The following MTMR14 variants were observed in gnomAD, a reference collection of about 807,000 sequenced individuals.
MTMR14 encodes the protein phosphatidylinositol-3,5-bisphosphate 3-phosphatase MTMR14.
A neutral mutation model predicts 86.3 loss-of-function variants in MTMR14; 48 were observed. That is an observed-to-expected ratio of 0.56 (90% confidence interval 0.44 to 0.71). MTMR14 has a LOEUF of 0.71. MTMR14 is among the 30% of genes least tolerant of loss of function. The pLI is 0.00. For missense variants in MTMR14, 780 were observed against 834.6 expected, an observed-to-expected ratio of 0.93 and a Z score of 0.81; for synonymous variants, 366 against 326.1, an observed-to-expected ratio of 1.12 and a Z score of -1.32.
chr3:9,654,903 T>C (rs567754945), intron 2 of MTMR14, among the ~76,000 whole-genome samples: 4 of 152,292 alleles, frequency 2.6e-5, no homozygotes, highest in African/African-American at 9.6e-5. Flanking sequence ...TAATTCTGCC[T>C]TGTGTTTATG....
At chr3:9,656,833 C>T (rs749487311) in intron 2 of MTMR14, among the ~76,000 whole-genome samples, 45 of 152,162 alleles carry the variant, frequency 3.0e-4, no homozygotes, top group Non-Finnish European at 5.3e-4. Context: ...TTCTTCCTAC[C>T]CTCTTTGGTG....
At chr3:9,668,570 T>C (rs1020025317) in intron 3 of MTMR14, 149 bp from the exon 4 acceptor site, 8 of 737,424 alleles carry the variant, frequency 1.1e-5, no homozygotes, top group South Asian at 9.1e-5. Flanking sequence ...TTCTGACTGA[T>C]TGTGGCAGCC....
Position 9,669,455 on chromosome 3 carries a change from G to C in MTMR14, c.517G>C (p.Asp173His), listed in dbSNP as rs1384180706. ...FSGGADDAWA[D>H]VEDVTEEDCA... The stretch of plus-strand genomic sequence containing the variant: ...AGGGGGTGCAGATGATGCCTGGGCA[G>C]ATGTGGAGGACGTCACGGAGGAGGA... The change falls in exon 5 of 19, where the codon GAT becomes CAT. Residue 173 changes from aspartate to histidine, a missense_variant. Physicochemically the swap from Asp to His is moderately conservative, Grantham distance 81 (BLOSUM62 -1). Transcript: ENST00000296003. The C allele has an allele frequency of 1.2e-6, 2 of 1,613,876 alleles. No individual in the cohort carries two copies. Among genetic ancestry groups the C allele is most frequent in the Admixed American group, 1.7e-5 (1 of 59,994 alleles).
chr3:9,686,778 A>T (rs1303067861), intron 13 of MTMR14, among the ~76,000 whole-genome samples: 1 of 152,166 alleles, frequency 6.6e-6, no homozygotes, highest in Non-Finnish European at 1.5e-5. Context: ...CCAAGTAGGG[A>T]TTTCTCTGAG....
chr3:9,672,557 A>C, intron 6 of MTMR14, 128 bp from the exon 7 acceptor site: 1 of 831,222 alleles, frequency 1.2e-6, no homozygotes, highest in Non-Finnish European at 2.1e-6. Context: ...GCTGAAGGGA[A>C]TTATTAACAA....
intron 17 of MTMR14, among the ~76,000 whole-genome samples, chr3:9,695,745 G>A (rs1245946236): frequency 6.6e-6 from 1 of 152,172 alleles, no homozygotes; most frequent in Non-Finnish European, 1.5e-5. Flanking sequence ...TCAACATTCT[G>A]GTTTTTAGCT....
intron 9 of MTMR14, among the ~76,000 whole-genome samples, chr3:9,679,629 C>T (rs980332065): frequency 1.8e-4 from 27 of 152,318 alleles, no homozygotes; most frequent in African/African-American, 6.3e-4. Flanking sequence ...GCTTGCCTGG[C>T]CCTTCCTGCA....
intron 10 of MTMR14, 34 bp downstream of exon 10, chr3:9,683,278 T>C (rs760751752): frequency 1.2e-6 from 2 of 1,600,942 alleles, no homozygotes; most frequent in Non-Finnish European, 1.7e-6. Context: ...CTCGAGCCAC[T>C]GCACCCTTGG....
In MTMR14 at chr3:9,692,373, G is replaced by A. The variant is rs371559947; in HGVS notation, c.1613+2230G>A. Among the ~76,000 whole-genome samples, 51 of 152,330 alleles carry A rather than the reference G, an allele frequency of 3.3e-4. No individual in the cohort carries two copies. In the East Asian group the frequency reaches 5.4e-3, roughly 16 times the overall value. ...TGGGGTGCCAATTCTTACTAACCCC[G>A]AGCCCACAGCCCTTACTGGCAAGCC... On this transcript the variant is annotated intron_variant, in intron 17 of 18. Coordinates refer to ENST00000296003, the MANE Select transcript of MTMR14 (RefSeq NM_001077525.3).
intron 9 of MTMR14, among the ~76,000 whole-genome samples, chr3:9,678,577 T>C (rs2075658799): frequency 6.6e-6 from 1 of 152,226 alleles, no homozygotes. Context: ...TGCCACTTGC[T>C]TCAGACAGAA....
At chr3:9,676,671 C>G (rs924709129) in intron 7 of MTMR14, among the ~76,000 whole-genome samples, 2 of 152,204 alleles carry the variant, frequency 1.3e-5, no homozygotes, top group Non-Finnish European at 2.9e-5. Flanking sequence ...GGAATGTTGC[C>G]AAAGCCCTAT....
chr3:9,662,831 A>G (rs568359790), intron 3 of MTMR14, among the ~76,000 whole-genome samples: 1 of 152,242 alleles, frequency 6.6e-6, no homozygotes, highest in Non-Finnish European at 1.5e-5. Context: ...ATCACCATGT[A>G]AAGCAGACAA....
intron 3 of MTMR14, among the ~76,000 whole-genome samples, chr3:9,665,730 ATTT>A (rs759820447): frequency 1.4e-5 from 2 of 139,504 alleles, no homozygotes; most frequent in Admixed American, 7.2e-5. Context: ...TTTCATTTTA[ATTT>A]TTTTTTTTTT....
intron 13 of MTMR14, 121 bp from the exon 14 acceptor site, chr3:9,687,700 A>G: frequency 5.1e-6 from 4 of 777,006 alleles, no homozygotes; most frequent in East Asian, 2.7e-5. Context: ...GAACACCCAC[A>G]CAGTCCCACA....
In MTMR14 at chr3:9,653,571, C is replaced by A. The variant is rs1160667391; in HGVS notation, c.160-50C>A. ...AGGCCATGGACCTCCTAATTCTCAC[C>A]CTCAGAACCCCAGAATTCTCTTTGT... On this transcript the variant is annotated intron_variant, in intron 1 of 18. Transcript: ENST00000296003. 2.5e-6 allele frequency: 4 copies of A among 1,612,960 alleles called. No homozygotes were observed. In the South Asian group the frequency reaches 3.3e-5, roughly 13 times the overall value.
chr3:9,686,160 T>C (rs1319720346), intron 13 of MTMR14, among the ~76,000 whole-genome samples: 1 of 152,106 alleles, frequency 6.6e-6, no homozygotes, highest in Non-Finnish European at 1.5e-5. Flanking sequence ...CCAAATCTCT[T>C]CTTCTGAACA....
intron 2 of MTMR14, among the ~76,000 whole-genome samples, chr3:9,662,064 G>A (rs2047970844): frequency 6.6e-6 from 1 of 151,702 alleles, no homozygotes; most frequent in Non-Finnish European, 1.5e-5. Flanking sequence ...CTCTAGCCTG[G>A]GCAACAACAG....
At chr3:9,656,120 A>C (rs2047588603) in intron 2 of MTMR14, among the ~76,000 whole-genome samples, 1 of 152,012 alleles carries the variant, frequency 6.6e-6, no homozygotes, top group African/African-American at 2.4e-5. Context: ...ACTTGAACCC[A>C]GGAGGCGGAG....
At chr3:9,653,290 A>G (rs990719564) in intron 1 of MTMR14, among the ~76,000 whole-genome samples, 1 of 152,246 alleles carries the variant, frequency 6.6e-6, no homozygotes, top group Non-Finnish European at 1.5e-5. Flanking sequence ...GATTAGTGGC[A>G]GTTTCAGTAA....
Sources: allele counts gnomAD v4.1 joint callset (sites outside exome capture counted in the v4.1 genomes callset), GRCh38; gene constraint gnomAD v4.1.1; transcripts MANE v1.5; gene names NCBI Gene and HGNC (gene_info 2026-07-23, HGNC 2026-07-21).